Variants in MAGI1 observed in about 807,000 individuals in gnomAD.
MAGI1 encodes the protein membrane associated guanylate kinase, WW and PDZ domain containing 1.
Under a neutral mutation model 139.9 loss-of-function variants are expected in MAGI1, and 58 were observed. The ratio of observed to expected loss-of-function variants is 0.41; its 90% CI spans 0.34 to 0.52. The LOEUF (loss-of-function observed/expected upper bound fraction) is 0.52. MAGI1 is among the 20% of genes least tolerant of loss of function. The pLI is 0.12. For missense variants in MAGI1, 1,874 were observed against 1,901.6 expected (o/e 0.99, Z 0.27); for synonymous variants, 812 against 737.9 (o/e 1.10, Z -1.63).
At chr3:65,654,335 G>A (rs985039796) in intron 1 of MAGI1, among the ~76,000 whole-genome samples, 1 of 152,058 alleles carries the variant, frequency 6.6e-6, no homozygotes, top group Non-Finnish European at 1.5e-5. Context: ...CGTACACACG[G>A]AGATATACAA....
intron 1 of MAGI1, among the ~76,000 whole-genome samples, chr3:65,963,961 A>T: frequency 6.6e-6 from 1 of 152,228 alleles, no homozygotes; most frequent in Non-Finnish European, 1.5e-5. Flanking sequence ...AAGGCTGGGA[A>T]ATGACTAAGC....
At position 65,622,107 on chromosome 3, in the gene MAGI1, A is replaced by G; in HGVS notation, c.314-19T>C. 6.5e-7 allele frequency: 1 copy of G among 1,534,466 alleles called. No homozygotes were observed. Among genetic ancestry groups the G allele is most frequent in the Non-Finnish European group, 9.0e-7 (1 of 1,107,680 alleles). On this transcript the variant is annotated intron_variant, in intron 1 of 22. Coordinates refer to ENST00000402939, the MANE Select transcript of MAGI1 (RefSeq NM_001033057.2). ...CTTCCTCCTGCAGGAAATACATAAAATAGACATACCACATCAACACAGGGC... is the reference window on the plus strand; with the variant it reads ...CTTCCTCCTGCAGGAAATACATAAAGTAGACATACCACATCAACACAGGGC...
At position 65,442,538 on chromosome 3, in the gene MAGI1, G is replaced by A. The variant is rs563834031; in HGVS notation, c.1136+254C>T. 5.3e-5 allele frequency among the ~76,000 whole-genome samples: 8 copies of A among 152,220 alleles called. No homozygotes were observed. In the South Asian group the frequency reaches 8.3e-4, roughly 16 times the overall value. On this transcript the variant is annotated intron_variant, in intron 8 of 22. Transcript: ENST00000402939. Reference sequence around the variant, plus strand: ...TTAAGTACCTGCCATATACCAGGACGATGTTGGGCCTTTGTGATGCAGTGG... The same window carrying A: ...TTAAGTACCTGCCATATACCAGGACAATGTTGGGCCTTTGTGATGCAGTGG...
chr3:65,627,049 A>G (rs2084006106), intron 1 of MAGI1, among the ~76,000 whole-genome samples: 1 of 152,232 alleles, frequency 6.6e-6, no homozygotes, highest in Admixed American at 6.5e-5. Flanking sequence ...CTGTATAGCA[A>G]AGTTCCGGTC....
intron 1 of MAGI1, among the ~76,000 whole-genome samples, chr3:65,868,604 T>C (rs1013674493): frequency 6.6e-6 from 1 of 152,136 alleles, no homozygotes; most frequent in Non-Finnish European, 1.5e-5. Context: ...ATCCAGTCTT[T>C]CCTGCTCTTA....
chr3:65,492,360 A>C (rs1187993161), intron 3 of MAGI1, among the ~76,000 whole-genome samples: 1 of 152,254 alleles, frequency 6.6e-6, no homozygotes, highest in Non-Finnish European at 1.5e-5. Context: ...TTGCACCTGT[A>C]TGAAATGATA....
intron 1 of MAGI1, among the ~76,000 whole-genome samples, chr3:66,017,388 A>T (rs977885766): frequency 6.6e-6 from 1 of 152,218 alleles, no homozygotes; most frequent in African/African-American, 2.4e-5. Context: ...GGAGGGTGCA[A>T]GGAAGGGTGC....
At chr3:65,835,060 T>C (rs987778767) in intron 1 of MAGI1, among the ~76,000 whole-genome samples, 2 of 152,206 alleles carry the variant, frequency 1.3e-5, no homozygotes, top group Admixed American at 6.5e-5. Context: ...TCGACTGATG[T>C]TCTTAGAGCA....
intron 1 of MAGI1, among the ~76,000 whole-genome samples, chr3:65,781,453 A>G (rs1286992131): frequency 6.6e-6 from 1 of 152,144 alleles, no homozygotes; most frequent in Non-Finnish European, 1.5e-5. Context: ...TCCGGAGTAC[A>G]TGTGCAGGAT....
chr3:65,500,857 T>C (rs1157722070), intron 2 of MAGI1, among the ~76,000 whole-genome samples: 1 of 152,324 alleles, frequency 6.6e-6, no homozygotes. Flanking sequence ...CTTCAAAAAA[T>C]GACAGTCACT....
At chr3:65,855,695 A>C (rs1452507375) in intron 1 of MAGI1, among the ~76,000 whole-genome samples, 1 of 143,346 alleles carries the variant, frequency 7.0e-6, no homozygotes. Context: ...AAAAGAAAAC[A>C]TAATTAAATA....
intron 1 of MAGI1, among the ~76,000 whole-genome samples, chr3:65,878,515 C>CAA (rs35158287): frequency 0.056 from 4,515 of 81,074 alleles, 327 homozygotes; most frequent in African/African-American, 0.18. Context: ...GACTCAGTCT[C>CAA]AAAAAAAAAA....
At chr3:65,830,467 T>G (rs202141594) in intron 1 of MAGI1, among the ~76,000 whole-genome samples, 18 of 152,250 alleles carry the variant, frequency 1.2e-4, no homozygotes, top group East Asian at 1.2e-3. Context: ...CAGTAACAGC[T>G]CTCATGCAAA....
intron 1 of MAGI1, among the ~76,000 whole-genome samples, chr3:65,685,766 T>G (rs1210151343): frequency 6.6e-6 from 1 of 152,224 alleles, no homozygotes; most frequent in Non-Finnish European, 1.5e-5. Flanking sequence ...TCTGAATAAC[T>G]GCTCTCTTGC....
chr3:65,639,167 G>A (rs926732015), intron 1 of MAGI1, among the ~76,000 whole-genome samples: 2 of 152,158 alleles, frequency 1.3e-5, no homozygotes, highest in African/African-American at 4.8e-5. Context: ...TATATTGGTT[G>A]TCTTCTTAAT....
At chr3:65,803,388 A>G (rs1239664351) in intron 1 of MAGI1, among the ~76,000 whole-genome samples, 1 of 152,142 alleles carries the variant, frequency 6.6e-6, no homozygotes, top group African/African-American at 2.4e-5. Context: ...TTTCCTTTAC[A>G]TGCTTACTGA....
chr3:65,746,453 T>C (rs1559843370), intron 1 of MAGI1, among the ~76,000 whole-genome samples: 1 of 152,238 alleles, frequency 6.6e-6, no homozygotes, highest in Non-Finnish European at 1.5e-5. Context: ...TGCAAGTATA[T>C]GGAGTCACTA....
chr3:65,727,758 G>GTC (rs1470794788), intron 1 of MAGI1, among the ~76,000 whole-genome samples: 3 of 152,194 alleles, frequency 2.0e-5, no homozygotes, highest in Non-Finnish European at 2.9e-5. Flanking sequence ...GGGACACCCA[G>GTC]TCTCCCTCAG....
intron 1 of MAGI1, among the ~76,000 whole-genome samples, chr3:65,835,670 G>T (rs1285713386): frequency 6.6e-6 from 1 of 152,110 alleles, no homozygotes; most frequent in Admixed American, 6.5e-5. Flanking sequence ...GATAATATTT[G>T]CACTAATATT....
Sources: gnomAD v4.1 joint callset for allele counts (sites outside exome capture counted in the v4.1 genomes callset) on GRCh38, gnomAD v4.1.1 for gene constraint, MANE v1.5 for transcripts, NCBI Gene and HGNC (gene_info 2026-07-23, HGNC 2026-07-21) for gene names.